SLC16A12: variants seen among roughly 807,000 people sequenced by gnomAD.
SLC16A12 encodes solute carrier family 16 member 12.
SLC16A12 carries 17 observed loss-of-function variants against 42.4 expected under a neutral mutation model. The observed-to-expected ratio is 0.40, with a 90% CI of 0.27 to 0.60. The LOEUF (loss-of-function observed/expected upper bound fraction) is 0.60. SLC16A12 is among the 20% of genes least tolerant of loss of function. SLC16A12 has a pLI of 0.42. For synonymous variants in SLC16A12, 224 were observed against 229.4 expected, an observed-to-expected ratio of 0.98 and a Z score of 0.21; for missense variants, 544 against 623.0, an observed-to-expected ratio of 0.87 and a Z score of 1.35.
chr10:89,490,767 T>A (rs79196059), intron 2 of SLC16A12, among the ~76,000 whole-genome samples: 1 of 152,318 alleles, frequency 6.6e-6, no homozygotes, highest in East Asian at 1.9e-4. Flanking sequence ...CCATTTCAGA[T>A]AAACTCAACC....
At chr10:89,461,828 T>G (rs1457223292) in intron 3 of SLC16A12, among the ~76,000 whole-genome samples, 1 of 152,212 alleles carries the variant, frequency 6.6e-6, no homozygotes, top group Non-Finnish European at 1.5e-5. Context: ...TTACCAATCC[T>G]TTAAAATCCC....
intron 2 of SLC16A12, among the ~76,000 whole-genome samples, chr10:89,484,669 C>T (rs11593797): frequency 3.3e-5 from 5 of 152,192 alleles, no homozygotes; most frequent in Non-Finnish European, 5.9e-5. Context: ...GCTCCGAAGC[C>T]TGTGCTCTTA....
chr10:89,433,082 A>G lies in SLC16A12; in HGVS notation c.1533T>C (p.Pro511=). 1 of 1,614,184 alleles carries G rather than the reference A, an allele frequency of 6.2e-7. No individual in the cohort carries two copies. Among genetic ancestry groups the G allele is most frequent in the Non-Finnish European group, 8.5e-7 (1 of 1,180,008 alleles). ...CCTTTGGTCATGTGAGGCTGTAGCC[A>G]GGCACTGCTGTAGCCACAGGCTCCC... ...KHGEPVATAV[P]GYSLT The change falls in exon 8 of 8, where the codon CCT becomes CCC. Residue 511 remains proline (P), a synonymous_variant. Coordinates refer to ENST00000371790, the MANE Select transcript of SLC16A12 (RefSeq NM_213606.4).
chr10:89,542,706 C>T (rs1589737951), intron 2 of SLC16A12, among the ~76,000 whole-genome samples: 1 of 152,352 alleles, frequency 6.6e-6, no homozygotes, highest in Non-Finnish European at 1.5e-5. Flanking sequence ...ACTTCCATTA[C>T]TTTAGCCTCT....
chr10:89,539,776 T>C (rs1165145143), upstream of SLC16A12, among the ~76,000 whole-genome samples: 2 of 152,194 alleles, frequency 1.3e-5, no homozygotes, highest in Non-Finnish European at 2.9e-5. Context: ...TGCAAGTATT[T>C]TACGTAGTCA....
intron 2 of SLC16A12, among the ~76,000 whole-genome samples, chr10:89,554,090 A>T (rs1323516278): frequency 1.0e-5 from 1 of 97,256 alleles, no homozygotes; most frequent in Non-Finnish European, 2.4e-5. Flanking sequence ...GAAAGAAAGA[A>T]AGAAAGAAAG....
chr10:89,503,105 G>T (rs2133824828), intron 2 of SLC16A12, among the ~76,000 whole-genome samples: 1 of 152,334 alleles, frequency 6.6e-6, no homozygotes, highest in South Asian at 2.1e-4. Context: ...TAGGATGAGA[G>T]AGAACAAGGC....
Position 89,430,539 on chromosome 10 carries a change from A to C in SLC16A12, c.*2525T>G. ...ATAATTTTGTTCTTGATTCCACAAAATACATCATTCCCATGAATTTCTCAG... is the reference window on the plus strand; with the variant it reads ...ATAATTTTGTTCTTGATTCCACAAACTACATCATTCCCATGAATTTCTCAG... On this transcript the variant is annotated 3_prime_UTR_variant, in exon 8 of 8. Coordinates refer to ENST00000371790, the MANE Select transcript of SLC16A12 (RefSeq NM_213606.4). The C allele has an allele frequency of 2.4e-6, 1 of 422,638 alleles. No homozygotes were observed. The highest frequency in any genetic ancestry group is 1.8e-5 in the South Asian group (1 of 54,244). The allele number at this position is 422,638 out of a possible 1,614,324, so 26.2% of individuals were successfully genotyped here. A position where few individuals can be genotyped will look rare whatever the true frequency, so the allele number is the denominator to read the frequency against.
intron 2 of SLC16A12, among the ~76,000 whole-genome samples, chr10:89,464,685 T>C (rs1441573584): frequency 6.6e-6 from 1 of 152,178 alleles, no homozygotes; most frequent in Non-Finnish European, 1.5e-5. Flanking sequence ...AGAAAATGGC[T>C]CACAACAGAA....
intron 3 of SLC16A12, among the ~76,000 whole-genome samples, chr10:89,447,551 G>A (rs1842025091): frequency 6.6e-6 from 1 of 152,182 alleles, no homozygotes; most frequent in Non-Finnish European, 1.5e-5. Context: ...GATGTTCTTT[G>A]AAACCAGTGA....
rs74326061 is a variant in SLC16A12, at chr10:89,530,414, T to C, written c.-47+4087A>G. 3.8e-4 allele frequency among the ~76,000 whole-genome samples: 56 copies of C among 146,730 alleles called. 2 individuals are homozygous for C. Among genetic ancestry groups the C allele is most frequent in the African/African-American group, 1.4e-3 (55 of 40,052 alleles). On this transcript the variant is annotated intron_variant, in intron 2 of 7. Transcript: ENST00000371790. ...ACTTTTAAAATGTAAAATTTGGTGG[T>C]TTTTTTTTTTCTTTTTTTTCTGAGA...
chr10:89,514,846 T>C (rs1303658290), intron 2 of SLC16A12, among the ~76,000 whole-genome samples: 1 of 152,136 alleles, frequency 6.6e-6, no homozygotes, highest in African/African-American at 2.4e-5. Flanking sequence ...ATCCCAGCAC[T>C]TTGGGAGGCC....
At chr10:89,554,087 A>AGAAGGAAGGAAGGAAGGAAG (rs1843790332) in intron 2 of SLC16A12, among the ~76,000 whole-genome samples, 9 of 34,240 alleles carry the variant, frequency 2.6e-4, no homozygotes, top group African/African-American at 8.8e-4. Context: ...AAAGAAAGAA[A>AGAAGGAAGGAAGGAAGGAAG]GAAAGAAAGA....
chr10:89,487,964 G>GTATATATATA (rs147234370), intron 2 of SLC16A12, among the ~76,000 whole-genome samples: 43 of 126,688 alleles, frequency 3.4e-4, no homozygotes, highest in East Asian at 7.8e-4. Flanking sequence ...TGGTGTGTGT[G>GTATATATATA]TATATATATA....
At chr10:89,508,253 C>A (rs1843100752) in intron 2 of SLC16A12, among the ~76,000 whole-genome samples, 1 of 152,190 alleles carries the variant, frequency 6.6e-6, no homozygotes, top group African/African-American at 2.4e-5. Context: ...GAACTCTCCA[C>A]TCCAAATCAA....
intron 7 of SLC16A12, among the ~76,000 whole-genome samples, chr10:89,434,327 T>C (rs548599823): frequency 2.0e-5 from 3 of 152,366 alleles, no homozygotes; most frequent in Admixed American, 1.3e-4. Context: ...ATGAGTATCA[T>C]GTCTGATTTG....
intron 3 of SLC16A12, among the ~76,000 whole-genome samples, chr10:89,445,730 A>C (rs7088602): frequency 6.6e-6 from 1 of 151,970 alleles, no homozygotes. Flanking sequence ...CACCGGCGAC[A>C]GAACAAAGCT....
upstream of SLC16A12, among the ~76,000 whole-genome samples, chr10:89,536,029 A>C (rs538120164): frequency 2.6e-4 from 39 of 152,258 alleles, no homozygotes; most frequent in African/African-American, 9.1e-4. Flanking sequence ...GCTAGGGGCG[A>C]GGGGCGCAGC....
chr10:89,439,060 G>A lies in SLC16A12; in HGVS notation c.572C>T (p.Ala191Val), dbSNP rs952000155. The A allele has an allele frequency of 1.9e-6, 3 of 1,613,496 alleles. No individual in the cohort carries two copies. Among genetic ancestry groups the A allele is most frequent in the South Asian group, 1.1e-5 (1 of 91,018 alleles). Residue 191 changes from alanine (A) to valine (V), a missense_variant, in exon 6 of 8, where the codon GCT (alanine) becomes GTT (valine). Transcript: ENST00000371790. ...SGSGIGTFIL[A>V]PVVQLLIEQF... ...TTCAATAAGGAGCTGAACCACAGGA[G>A]CCAGGATGAAGGTGCCAATGCCACT...
Sources: gnomAD v4.1 joint callset for allele counts (sites outside exome capture counted in the v4.1 genomes callset) on GRCh38, gnomAD v4.1.1 for gene constraint, MANE v1.5 for transcripts, NCBI Gene and HGNC (gene_info 2026-07-23, HGNC 2026-07-21) for gene names.